Variants in FBXL20 observed in about 807,000 individuals in gnomAD.
The protein encoded by FBXL20 is F-box/LRR-repeat protein 20.
In FBXL20, 11 loss-of-function variants were observed where a neutral mutation model predicts 64.0. That is an observed-to-expected ratio of 0.17 (90% CI 0.11 to 0.28). The LOEUF is 0.28. Among genes scored for constraint, FBXL20 ranks in the 10% least tolerant of loss-of-function variants. The probability of loss-of-function intolerance (pLI) is 1.00; values close to 1 mark genes in which losing one functional copy is unlikely to be tolerated. For synonymous variants in FBXL20, 184 were observed against 189.0 expected, an observed-to-expected ratio of 0.97 and a Z score of 0.22; for missense variants, 303 against 526.2, an observed-to-expected ratio of 0.58 and a Z score of 4.15.
chr17:39,275,169 T>G, intron 9 of FBXL20, 69 bp from the exon 10 acceptor site: 2 of 1,470,160 alleles, frequency 1.4e-6, no homozygotes, highest in Non-Finnish European at 1.8e-6. Context: ...AAAAAAATGA[T>G]AGCTCTGTGA....
rs572774536 is a variant in FBXL20 at position 39,361,903 on chromosome 17, G to A, written c.43-18662C>T. ...GCCCGAGCCCCGGAGTTCAAGACCA[G>A]CCTGGGCAAGATAGCAAGACCCCAT... On this transcript the variant is annotated intron_variant, in intron 1 of 14. Transcript: ENST00000264658. Among the ~76,000 whole-genome samples the A allele has an allele frequency of 7.3e-5, 11 of 151,568 alleles. No individual in the cohort carries two copies. In the South Asian group the frequency reaches 2.3e-3, roughly 32 times the overall value.
chr17:39,339,744 T>C (rs1403358363), intron 2 of FBXL20, among the ~76,000 whole-genome samples: 1 of 151,624 alleles, frequency 6.6e-6, no homozygotes, highest in Non-Finnish European at 1.5e-5. Flanking sequence ...ACCTGCAGGG[T>C]TCGATTCCCC....
chr17:39,401,242 CCCG>C, intron 1 of FBXL20, 116 bp downstream of exon 1: 1 of 1,570,778 alleles, frequency 6.4e-7, no homozygotes, highest in South Asian at 1.2e-5. Flanking sequence ...GTCTGGCAGC[CCCG>C]CCAGTGGGTG....
chr17:39,312,329 G>A (rs1322798147), intron 2 of FBXL20, among the ~76,000 whole-genome samples: 4 of 151,458 alleles, frequency 2.6e-5, no homozygotes, highest in East Asian at 2.0e-4. Flanking sequence ...CAGGAGAATC[G>A]CTTGAACCCA....
intron 6 of FBXL20, among the ~76,000 whole-genome samples, chr17:39,293,926 ACT>A (rs1473078092): frequency 6.6e-6 from 1 of 150,656 alleles, no homozygotes; most frequent in Non-Finnish European, 1.5e-5. Context: ...ATCAGCAAAA[ACT>A]CTGTCCTCTG....
chr17:39,296,325 C>A (rs1597782290), intron 6 of FBXL20, among the ~76,000 whole-genome samples: 1 of 152,048 alleles, frequency 6.6e-6, no homozygotes, highest in Middle Eastern at 3.4e-3. Flanking sequence ...CTTTGGGAGG[C>A]CGAAGTGGGC....
intron 1 of FBXL20, among the ~76,000 whole-genome samples, chr17:39,374,098 G>A (rs1436128221): frequency 3.6e-5 from 4 of 112,506 alleles, no homozygotes; most frequent in Admixed American, 9.1e-5. Flanking sequence ...GGTGGTGGGC[G>A]CCTGTAGTCC....
chr17:39,381,278 C>A (rs1044057141), intron 1 of FBXL20, among the ~76,000 whole-genome samples: 4 of 151,582 alleles, frequency 2.6e-5, no homozygotes, highest in African/African-American at 9.7e-5. Context: ...GAGTTTGAGA[C>A]CAGCCTGGGC....
At chr17:39,312,281 G>A (rs1380651682) in intron 2 of FBXL20, among the ~76,000 whole-genome samples, 2 of 151,642 alleles carry the variant, frequency 1.3e-5, no homozygotes, top group African/African-American at 4.8e-5. Flanking sequence ...TGGGTGTGGT[G>A]GCAGGCACCT....
At chr17:39,374,459 T>C (rs2047948073) in intron 1 of FBXL20, among the ~76,000 whole-genome samples, 1 of 151,752 alleles carries the variant, frequency 6.6e-6, no homozygotes, top group Non-Finnish European at 1.5e-5. Context: ...GAGAACTGCT[T>C]GAACCTGGGA....
intron 1 of FBXL20, among the ~76,000 whole-genome samples, chr17:39,375,851 G>A (rs1332639143): frequency 6.6e-6 from 1 of 152,146 alleles, no homozygotes; most frequent in Admixed American, 6.6e-5. Context: ...TGGGCGTGGT[G>A]GCTCAAGCCT....
intron 2 of FBXL20, among the ~76,000 whole-genome samples, chr17:39,336,064 A>G (rs573716080): frequency 3.0e-4 from 46 of 151,050 alleles, no homozygotes; most frequent in Admixed American, 9.2e-4. Flanking sequence ...TGGGACTGCC[A>G]TTATCATCCC....
At chr17:39,305,051 C>T (rs1025418264) in intron 2 of FBXL20, among the ~76,000 whole-genome samples, 1 of 152,114 alleles carries the variant, frequency 6.6e-6, no homozygotes, top group African/African-American at 2.4e-5. Context: ...AGCCACCACA[C>T]CCAGCCCCTG....
At chr17:39,375,478 G>T (rs1264091093) in intron 1 of FBXL20, among the ~76,000 whole-genome samples, 1 of 152,112 alleles carries the variant, frequency 6.6e-6, no homozygotes, top group African/African-American at 2.4e-5. Flanking sequence ...TTCCATAGCA[G>T]AACAGGATGA....
intron 1 of FBXL20, among the ~76,000 whole-genome samples, chr17:39,362,514 G>A (rs1597820596): frequency 6.7e-6 from 1 of 148,758 alleles, no homozygotes; most frequent in East Asian, 2.1e-4. Context: ...GTAGAGAGAG[G>A]TTTTCTCCAT....
chr17:39,327,562 T>A (rs2047420225), intron 2 of FBXL20, among the ~76,000 whole-genome samples: 1 of 152,130 alleles, frequency 6.6e-6, no homozygotes, highest in African/African-American at 2.4e-5. Context: ...CAGCCACCTA[T>A]ACAGATATAA....
At chr17:39,309,698 A>G (rs1261824543) in intron 2 of FBXL20, among the ~76,000 whole-genome samples, 10 of 151,432 alleles carry the variant, frequency 6.6e-5, no homozygotes, top group Non-Finnish European at 4.4e-5. Context: ...CTACTTGCAC[A>G]GGAGATTTGT....
intron 1 of FBXL20, among the ~76,000 whole-genome samples, chr17:39,349,780 C>T (rs971341571): frequency 6.6e-5 from 10 of 151,784 alleles, no homozygotes; most frequent in African/African-American, 2.4e-5. Flanking sequence ...ACTAAAAATA[C>T]AAAAAATTAG....
intron 7 of FBXL20, among the ~76,000 whole-genome samples, chr17:39,283,634 C>G (rs993727256): frequency 6.6e-6 from 1 of 151,960 alleles, no homozygotes; most frequent in Non-Finnish European, 1.5e-5. Context: ...AGTAATGAAG[C>G]CTTTTAAACT....
Sources: gnomAD v4.1 joint callset for allele counts (sites outside exome capture counted in the v4.1 genomes callset) on GRCh38, gnomAD v4.1.1 for gene constraint, MANE v1.5 for transcripts, NCBI Gene and HGNC (gene_info 2026-07-23, HGNC 2026-07-21) for gene names.